The following ZNF804B variants were observed in gnomAD, a reference collection of about 807,000 sequenced individuals.
ZNF804B encodes zinc finger protein 804B, also known as zinc finger 804B.
A neutral mutation model predicts 101.4 loss-of-function variants in ZNF804B; 80 were observed. That is an observed-to-expected ratio of 0.79 (90% CI 0.66 to 0.95). The LOEUF is 0.95. ZNF804B is among the 40% of genes least tolerant of loss of function. The pLI is 0.00. For synonymous variants in ZNF804B, 622 were observed against 558.8 expected, an observed-to-expected ratio of 1.11 and a Z score of -1.59; for missense variants, 1,673 against 1,561.9, an observed-to-expected ratio of 1.07 and a Z score of -1.20.
chr7:88,972,643 G>C (rs1025937044), intron 1 of ZNF804B, among the ~76,000 whole-genome samples: 1 of 151,210 alleles, frequency 6.6e-6, no homozygotes, highest in African/African-American at 2.4e-5. Flanking sequence ...GTTGATATAA[G>C]AGGTACTTTC....
chr7:89,194,257 G>A (rs1788508414), intron 1 of ZNF804B, among the ~76,000 whole-genome samples: 1 of 152,080 alleles, frequency 6.6e-6, no homozygotes, highest in South Asian at 2.1e-4. Flanking sequence ...CTCCCATTTT[G>A]TAGGTTGCCT....
intron 1 of ZNF804B, among the ~76,000 whole-genome samples, chr7:88,938,006 C>T (rs1375405582): frequency 3.3e-5 from 5 of 152,042 alleles, no homozygotes; most frequent in East Asian, 1.9e-4. Flanking sequence ...GTGGTAGGGG[C>T]GCAGATTGGT....
intron 1 of ZNF804B, among the ~76,000 whole-genome samples, chr7:89,015,067 A>G (rs1448470174): frequency 6.6e-6 from 1 of 152,116 alleles, no homozygotes; most frequent in East Asian, 1.9e-4. Flanking sequence ...TCTTCTGCAT[A>G]TAGATATCAA....
intron 1 of ZNF804B, among the ~76,000 whole-genome samples, chr7:88,873,784 A>G (rs962283457): frequency 6.6e-6 from 1 of 152,138 alleles, no homozygotes; most frequent in African/African-American, 2.4e-5. Flanking sequence ...AGTCATAGAT[A>G]TGCGGCATTA....
chr7:89,237,565 T>G (rs1789303842), intron 2 of ZNF804B, among the ~76,000 whole-genome samples: 1 of 152,190 alleles, frequency 6.6e-6, no homozygotes, highest in Non-Finnish European at 1.5e-5. Context: ...ACAAATTCAT[T>G]TGTGTAGTAT....
Position 89,333,725 on chromosome 7 carries a change from G to GT in ZNF804B, c.744dup (p.Asn249Ter), listed in dbSNP as rs1791023702. Reference sequence around the variant, plus strand: ...GAGAACACAGAAGAAACCCATGATTGTAACAAGTCACCCATTTATAAAACA... The same window carrying GT: ...GAGAACACAGAAGAAACCCATGATTGTTAACAAGTCACCCATTTATAAAACA... On this transcript the variant is annotated frameshift_variant, in exon 4 of 4. Transcript: ENST00000333190. LOFTEE classifies it high-confidence loss of function. The GT allele has an allele frequency of 6.2e-7, 1 of 1,613,458 alleles. No individual in the cohort carries two copies. The highest frequency in any genetic ancestry group is 8.5e-7 in the Non-Finnish European group (1 of 1,179,732).
intron 1 of ZNF804B, among the ~76,000 whole-genome samples, chr7:89,035,442 T>G (rs1366012123): frequency 2.0e-5 from 3 of 151,978 alleles, no homozygotes; most frequent in Non-Finnish European, 4.4e-5. Flanking sequence ...TTTAAAAAAA[T>G]CAGCTACGTT....
chr7:89,257,385 A>C (rs1320509972), intron 2 of ZNF804B, among the ~76,000 whole-genome samples: 2 of 152,174 alleles, frequency 1.3e-5, no homozygotes, highest in Non-Finnish European at 2.9e-5. Flanking sequence ...TGTGATAGAA[A>C]TCACAAAATT....
intron 1 of ZNF804B, among the ~76,000 whole-genome samples, chr7:88,978,346 G>A (rs1793647258): frequency 6.6e-6 from 1 of 151,678 alleles, no homozygotes; most frequent in African/African-American, 2.4e-5. Context: ...TTATTGTACT[G>A]GGGTTTACCT....
chr7:88,992,361 A>G (rs923250671), intron 1 of ZNF804B, among the ~76,000 whole-genome samples: 5 of 152,160 alleles, frequency 3.3e-5, no homozygotes, highest in Non-Finnish European at 7.4e-5. Context: ...GCAGGTTTAA[A>G]TAAGCTACCC....
At chr7:89,136,204 C>A (rs1484628864) in intron 1 of ZNF804B, among the ~76,000 whole-genome samples, 1 of 152,006 alleles carries the variant, frequency 6.6e-6, no homozygotes, top group Admixed American at 6.6e-5. Flanking sequence ...ATGAGTATCT[C>A]TTTTAGTTGA....
intron 1 of ZNF804B, among the ~76,000 whole-genome samples, chr7:89,078,825 C>A (rs924626375): frequency 6.6e-6 from 1 of 151,934 alleles, no homozygotes; most frequent in African/African-American, 2.4e-5. Flanking sequence ...CTTCTTCTTT[C>A]TTCCACCATT....
intron 1 of ZNF804B, among the ~76,000 whole-genome samples, chr7:89,074,242 T>C (rs1378249782): frequency 6.6e-6 from 1 of 152,222 alleles, no homozygotes; most frequent in African/African-American, 2.4e-5. Context: ...TTCTTCCCTC[T>C]CTTTCTAGGA....
chr7:89,212,070 A>G (rs190519996), intron 1 of ZNF804B, among the ~76,000 whole-genome samples: 1 of 152,114 alleles, frequency 6.6e-6, no homozygotes, highest in Non-Finnish European at 1.5e-5. Flanking sequence ...TTCCCTTGTT[A>G]GCTGTATTCC....
At position 89,337,511 on chromosome 7, in the gene ZNF804B, T is replaced by G. The variant is rs903881505; in HGVS notation, c.*479T>G. Among the ~76,000 whole-genome samples, 5 of 152,142 alleles carry G rather than the reference T, an allele frequency of 3.3e-5. No individual in the cohort carries two copies. The highest frequency in any genetic ancestry group is 1.2e-4 in the African/African-American group (5 of 41,440). On this transcript the variant is annotated 3_prime_UTR_variant, in exon 4 of 4. Coordinates refer to ENST00000333190, the MANE Select transcript of ZNF804B (RefSeq NM_181646.5). Reference sequence around the variant, plus strand: ...TTTATGTCGTTAACTATTGACTAAGTTTTCAATTAATGTAGTCTGTTACTG... The same window carrying G: ...TTTATGTCGTTAACTATTGACTAAGGTTTCAATTAATGTAGTCTGTTACTG...
chr7:88,847,374 A>G (rs528928171), intron 1 of ZNF804B, among the ~76,000 whole-genome samples: 34 of 152,078 alleles, frequency 2.2e-4, no homozygotes, highest in Admixed American at 5.9e-4. Flanking sequence ...CTTGAATAAG[A>G]GGATCCGTTT....
At chr7:89,210,207 T>A (rs369552087) in intron 1 of ZNF804B, among the ~76,000 whole-genome samples, 1 of 151,678 alleles carries the variant, frequency 6.6e-6, no homozygotes. Context: ...GTAATATTAA[T>A]GTTAATTAAG....
intron 1 of ZNF804B, among the ~76,000 whole-genome samples, chr7:88,929,022 T>C (rs1031442917): frequency 5.3e-5 from 8 of 151,908 alleles, no homozygotes; most frequent in African/African-American, 1.9e-4. Flanking sequence ...GTGATGCAAG[T>C]TTGTCTTTTG....
chr7:89,172,940 G>A (rs1335898462), intron 1 of ZNF804B, among the ~76,000 whole-genome samples: 2 of 152,112 alleles, frequency 1.3e-5, no homozygotes, highest in African/African-American at 2.4e-5. Context: ...TGGTGAAAAC[G>A]CATTCAACAG....
Sources: gnomAD v4.1 joint callset for allele counts (sites outside exome capture counted in the v4.1 genomes callset) on GRCh38, gnomAD v4.1.1 for gene constraint, MANE v1.5 for transcripts, NCBI Gene and HGNC (gene_info 2026-07-23, HGNC 2026-07-21) for gene names.